Variants in PPM1H observed in about 807,000 individuals in gnomAD.
PPM1H encodes the protein protein phosphatase 1H.
Under a neutral mutation model 54.9 loss-of-function variants are expected in PPM1H, and 27 were observed. That is an observed-to-expected ratio of 0.49 (90% CI 0.36 to 0.68). The LOEUF (loss-of-function observed/expected upper bound fraction) is 0.68, where lower values mean the gene tolerates loss of function less well. PPM1H is among the 30% of genes least tolerant of loss of function. The probability of loss-of-function intolerance (pLI) is 0.00; values close to 1 mark genes in which losing one functional copy is unlikely to be tolerated. For missense variants in PPM1H, 596 were observed against 667.8 expected, an observed-to-expected ratio of 0.89 and a Z score of 1.19; for synonymous variants, 305 against 270.8, an observed-to-expected ratio of 1.13 and a Z score of -1.24.
chr12:62,730,626 T>C (rs2076315949), intron 5 of PPM1H, among the ~76,000 whole-genome samples: 1 of 152,190 alleles, frequency 6.6e-6, no homozygotes, highest in African/African-American at 2.4e-5. Context: ...GTAATCAAAA[T>C]ACGAATTTTC....
At chr12:62,863,936 A>G (rs1869690717) in intron 1 of PPM1H, among the ~76,000 whole-genome samples, 1 of 152,218 alleles carries the variant, frequency 6.6e-6, no homozygotes, top group African/African-American at 2.4e-5. Flanking sequence ...TAACCATGAG[A>G]CATAAGGATC....
chr12:62,767,132 C>T (rs553614366), intron 4 of PPM1H, among the ~76,000 whole-genome samples: 3 of 152,246 alleles, frequency 2.0e-5, no homozygotes, highest in African/African-American at 7.2e-5. Flanking sequence ...GGAGAGGTGA[C>T]TGGAGGAAGG....
chr12:62,878,020 C>A (rs911469902), intron 1 of PPM1H, among the ~76,000 whole-genome samples: 6 of 152,112 alleles, frequency 3.9e-5, no homozygotes, highest in Admixed American at 1.3e-4. Context: ...GTCTCAGCCT[C>A]CTGAGTTGCT....
chr12:62,804,350 T>TAAAAAAAAAAAAA (rs1452737032), intron 2 of PPM1H, among the ~76,000 whole-genome samples: 1 of 113,174 alleles, frequency 8.8e-6, no homozygotes, highest in African/African-American at 5.0e-5. Flanking sequence ...TGACCCTGTC[T>TAAAAAAAAAAAAA]CAAAAAAAAA....
chr12:62,900,994 C>T (rs940776737), intron 1 of PPM1H, among the ~76,000 whole-genome samples: 1 of 151,674 alleles, frequency 6.6e-6, no homozygotes, highest in African/African-American at 2.4e-5. Context: ...CTGGTCTTTC[C>T]CCCTTACTGC....
intron 3 of PPM1H, among the ~76,000 whole-genome samples, chr12:62,797,110 G>C (rs533120927): frequency 6.1e-4 from 93 of 152,270 alleles, no homozygotes; most frequent in African/African-American, 2.0e-3. Flanking sequence ...CAAACAGATG[G>C]AGACAGACAA....
intron 4 of PPM1H, among the ~76,000 whole-genome samples, chr12:62,771,697 A>T (rs926518562): frequency 6.6e-6 from 1 of 152,258 alleles, no homozygotes; most frequent in African/African-American, 2.4e-5. Flanking sequence ...AGCATTTATT[A>T]GGTGCTTTCC....
intron 6 of PPM1H, among the ~76,000 whole-genome samples, chr12:62,704,383 G>T (rs949376573): frequency 6.6e-6 from 1 of 152,120 alleles, no homozygotes; most frequent in Non-Finnish European, 1.5e-5. Context: ...CTAGTTTTGG[G>T]GGTCATATTT....
intron 3 of PPM1H, among the ~76,000 whole-genome samples, chr12:62,789,155 G>A (rs1366689282): frequency 6.6e-6 from 1 of 151,982 alleles, no homozygotes; most frequent in Non-Finnish European, 1.5e-5. Context: ...GGGACTACAG[G>A]TCTGTGCAGC....
At chr12:62,774,569 T>C (rs1418839444) in intron 4 of PPM1H, among the ~76,000 whole-genome samples, 1 of 152,150 alleles carries the variant, frequency 6.6e-6, no homozygotes, top group Non-Finnish European at 1.5e-5. Context: ...TTCAAACTCC[T>C]GGACTCAAAT....
chr12:62,768,998 T>C (rs1281951994), intron 4 of PPM1H, among the ~76,000 whole-genome samples: 7 of 152,174 alleles, frequency 4.6e-5, no homozygotes, highest in Non-Finnish European at 1.0e-4. Context: ...TTGTATATAT[T>C]CAGATACCTA....
chr12:62,770,796 C>T (rs2076574812), intron 4 of PPM1H, among the ~76,000 whole-genome samples: 1 of 152,134 alleles, frequency 6.6e-6, no homozygotes, highest in South Asian at 2.1e-4. Flanking sequence ...TTTTTGCAGG[C>T]AGGCCTGGTG....
At chr12:62,801,758 C>G (rs955957016) in intron 3 of PPM1H, 58 bp downstream of exon 3, 21 of 1,576,720 alleles carry the variant, frequency 1.3e-5, no homozygotes, top group Non-Finnish European at 1.8e-5. Flanking sequence ...GAAGGACGGA[C>G]AGACCTGGCG....
At chr12:62,922,664 C>T (rs997229767) in intron 1 of PPM1H, among the ~76,000 whole-genome samples, 3 of 152,100 alleles carry the variant, frequency 2.0e-5, no homozygotes, top group African/African-American at 7.2e-5. Context: ...AATAGTATAA[C>T]AAAGGAAGCA....
At chr12:62,774,909 G>A (rs1221944741) in intron 4 of PPM1H, among the ~76,000 whole-genome samples, 4 of 152,094 alleles carry the variant, frequency 2.6e-5, no homozygotes, top group East Asian at 1.9e-4. Flanking sequence ...TTCTGCCGCC[G>A]GCTATCTGTG....
intron 1 of PPM1H, among the ~76,000 whole-genome samples, chr12:62,857,261 T>C (rs1390583232): frequency 6.6e-6 from 1 of 152,016 alleles, no homozygotes; most frequent in Non-Finnish European, 1.5e-5. Flanking sequence ...AAGGAAAGAT[T>C]ACTACTGTTT....
chr12:62,682,515 T>TTTTAAA (rs2076024657), intron 8 of PPM1H, among the ~76,000 whole-genome samples: 1 of 152,162 alleles, frequency 6.6e-6, no homozygotes, highest in African/African-American at 2.4e-5. Flanking sequence ...AAGTAGGAAT[T>TTTTAAA]CTAAGAGACA....
At chr12:62,880,037 A>G (rs749358735) in intron 1 of PPM1H, among the ~76,000 whole-genome samples, 1 of 152,172 alleles carries the variant, frequency 6.6e-6, no homozygotes, top group Non-Finnish European at 1.5e-5. Flanking sequence ...TTCAAAACCT[A>G]CAAACTTTAA....
At position 62,731,755 on chromosome 12, in the gene PPM1H, T is replaced by A. The variant is rs150741561; in HGVS notation, c.954+5747A>T. 9.2e-5 allele frequency among the ~76,000 whole-genome samples: 14 copies of A among 152,296 alleles called. No individual in the cohort carries two copies. In the East Asian group the frequency reaches 2.7e-3, roughly 29 times the overall value. On this transcript the variant is annotated intron_variant, in intron 5 of 9. Coordinates refer to ENST00000228705, the MANE Select transcript of PPM1H (RefSeq NM_020700.2). ...AGAAGTATGTTATTTGAAGATATGA[T>A]GACACCGGCACGACTTAATGTAATC...
Sources: allele counts gnomAD v4.1 joint callset (sites outside exome capture counted in the v4.1 genomes callset), GRCh38; gene constraint gnomAD v4.1.1; transcripts MANE v1.5; gene names NCBI Gene and HGNC (gene_info 2026-07-23, HGNC 2026-07-21).